ALMS1: variants seen among roughly 807,000 people sequenced by gnomAD.
The protein encoded by ALMS1 is centrosome-associated protein ALMS1.
A neutral mutation model predicts 352.2 loss-of-function variants in ALMS1; 271 were observed. The ratio of observed to expected loss-of-function variants is 0.77; its 90% CI spans 0.70 to 0.85. The LOEUF is 0.85. ALMS1 is among the 40% of genes least tolerant of loss of function. The probability of loss-of-function intolerance (pLI) is 0.00; values close to 1 mark genes in which losing one functional copy is unlikely to be tolerated. For synonymous variants in ALMS1, 1,865 were observed against 1,761.2 expected (o/e 1.06, Z -1.48); for missense variants, 5,445 against 4,870.7 (o/e 1.12, Z -3.51).
rs866714806 is a variant in ALMS1 at position 73,396,315 on chromosome 2, C to T, written c.324+10123C>T. Reference sequence around the variant, plus strand: ...CCTGTCATAGAAATACACACACACACACACACACACACACACACACACACG... The same window carrying T: ...CCTGTCATAGAAATACACACACACATACACACACACACACACACACACACG... On this transcript the variant is annotated intron_variant, in intron 1 of 22. Coordinates refer to ENST00000613296, the MANE Select transcript of ALMS1 (RefSeq NM_001378454.1). Among the ~76,000 whole-genome samples, 319 of 151,730 alleles carry T rather than the reference C, an allele frequency of 2.1e-3. 1 individual carries two copies. The highest frequency in any genetic ancestry group is 0.012 in the South Asian group (56 of 4,806).
chr2:73,600,978 C>T (rs1196989276), intron 18 of ALMS1, 97 bp downstream of exon 18: 2 of 1,422,576 alleles, frequency 1.4e-6, no homozygotes, highest in Admixed American at 2.0e-5. Flanking sequence ...CTATGTGGTC[C>T]CCACCTACCC....
In ALMS1 at chr2:73,583,443, A is replaced by G. The variant is rs536915347; in HGVS notation, c.11547+10019A>G. ...ATTTGTAAATATTTTCTCCCATTCA[A>G]TAGGTTGTCTTTCACTCTGTTGATT... On this transcript the variant is annotated intron_variant, in intron 16 of 22. Coordinates refer to ENST00000613296, the MANE Select transcript of ALMS1 (RefSeq NM_001378454.1). Among the ~76,000 whole-genome samples, 20 of 152,164 alleles carry G rather than the reference A, an allele frequency of 1.3e-4. 1 individual carries two copies. Among genetic ancestry groups the G allele is most frequent in the East Asian group, 5.8e-4 (3 of 5,184 alleles).
At chr2:73,513,307 C>T (rs898612305) in intron 10 of ALMS1, among the ~76,000 whole-genome samples, 6 of 152,106 alleles carry the variant, frequency 3.9e-5, no homozygotes, top group African/African-American at 1.4e-4. Context: ...CGTATGGACA[C>T]TCTCCCCACC....
intron 2 of ALMS1, 117 bp downstream of exon 2, chr2:73,408,864 CTT>C (rs58686365): frequency 0.067 from 12,296 of 183,538 alleles, 46 homozygotes; most frequent in South Asian, 0.09. Context: ...GTTTTCTTGT[CTT>C]TTTTTTTTTT....
At chr2:73,589,226 A>ATGTT (rs10656013) in intron 16 of ALMS1, among the ~76,000 whole-genome samples, 75,187 of 151,764 alleles carry the variant, frequency 0.5, 21,444 homozygotes, top group African/African-American at 0.8. Context: ...TAAACACAAA[A>ATGTT]AGTTATAAGC....
At chr2:73,524,343 G>A (rs74940346) in intron 11 of ALMS1, among the ~76,000 whole-genome samples, 1,701 of 152,222 alleles carry the variant, frequency 0.011, 32 homozygotes, top group African/African-American at 0.038. Context: ...TTTTGATATA[G>A]GCATACAGTG....
At chr2:73,394,758 A>G (rs1468899535) in intron 1 of ALMS1, among the ~76,000 whole-genome samples, 1 of 152,108 alleles carries the variant, frequency 6.6e-6, no homozygotes, top group Non-Finnish European at 1.5e-5. Flanking sequence ...ATTGTTGTGC[A>G]AACATCATAT....
intron 1 of ALMS1, among the ~76,000 whole-genome samples, chr2:73,398,612 TTCA>T (rs1185630072): frequency 2.6e-5 from 4 of 152,200 alleles, no homozygotes; most frequent in African/African-American, 9.7e-5. Context: ...TTTGATTTCA[TTCA>T]TCGAGTTTTA....
chr2:73,442,044 C>T (rs576998417), intron 7 of ALMS1, among the ~76,000 whole-genome samples: 5 of 152,188 alleles, frequency 3.3e-5, no homozygotes, highest in African/African-American at 1.2e-4. Context: ...ATCTGCAGCC[C>T]GTGTCCTGAA....
Position 73,451,617 on chromosome 2 carries a change from C to T in ALMS1, c.5090C>T (p.Pro1697Leu), listed in dbSNP as rs2103785051. ...EALKVPPVPG[P>L]DAQKTETPSV... is the part of the protein sequence containing the mutation. Reference sequence around the variant, plus strand: ...CTGAAAGTTCCACCTGTTCCTGGACCAGATGCCCAGAAGACTGAGACACCA... The same window carrying T: ...CTGAAAGTTCCACCTGTTCCTGGACTAGATGCCCAGAAGACTGAGACACCA... Residue 1697 changes from proline (P) to leucine (L), a missense_variant, in exon 8 of 23, where the codon CCA (proline) becomes CTA (leucine). By Grantham distance (98) the Pro-to-Leu change is moderately conservative. Transcript: ENST00000613296. 6.2e-7 allele frequency: 1 copy of T among 1,614,042 alleles called. No individual in the cohort carries two copies. The highest frequency in any genetic ancestry group is 8.5e-7 in the Non-Finnish European group (1 of 1,179,984).
chr2:73,453,318 C>G lies in ALMS1; in HGVS notation c.6791C>G (p.Thr2264Arg). The change falls in exon 8 of 23, where the codon ACA (threonine) becomes AGA (arginine). Residue 2264 changes from threonine to arginine, a missense_variant. By Grantham distance (71) the Thr-to-Arg change is moderately conservative. Transcript: ENST00000613296. ...NSAKTLKEIRTLLMEAENMAL... is the reference protein window; with the variant it reads ...NSAKTLKEIRRLLMEAENMAL... ...GCTAAAACTCTTAAGGAAATTCGGA[C>G]ACTTTTGATGGAGGCAGAAAATATG... The G allele has an allele frequency of 6.2e-7, 1 of 1,613,884 alleles. No individual in the cohort carries two copies. Among genetic ancestry groups the G allele is most frequent in the South Asian group, 1.1e-5 (1 of 91,068 alleles).
intron 9 of ALMS1, among the ~76,000 whole-genome samples, chr2:73,471,669 A>G (rs1003981323): frequency 6.6e-6 from 1 of 151,964 alleles, no homozygotes; most frequent in Admixed American, 6.6e-5. Flanking sequence ...ATGACTGAAC[A>G]CTTCATATCT....
chr2:73,499,484 G>A (rs1025501216), intron 10 of ALMS1, among the ~76,000 whole-genome samples: 3 of 152,048 alleles, frequency 2.0e-5, no homozygotes, highest in Non-Finnish European at 2.9e-5. Context: ...CATGATTTGA[G>A]GTCTTAGGTT....
intron 14 of ALMS1, 142 bp downstream of exon 14, chr2:73,557,496 T>C: frequency 9.1e-7 from 1 of 1,100,324 alleles, no homozygotes; most frequent in South Asian, 1.4e-5. Flanking sequence ...ATATATGAAA[T>C]AGTTAAGGTA....
intron 15 of ALMS1, among the ~76,000 whole-genome samples, chr2:73,569,506 C>A (rs974411627): frequency 5.9e-5 from 9 of 152,004 alleles, no homozygotes; most frequent in African/African-American, 2.2e-4. Flanking sequence ...ATTCTGTTGC[C>A]AAGGTATCCT....
intron 9 of ALMS1, among the ~76,000 whole-genome samples, chr2:73,461,728 A>G (rs1341568564): frequency 6.6e-6 from 1 of 152,206 alleles, no homozygotes; most frequent in Non-Finnish European, 1.5e-5. Context: ...ACGAATGGAT[A>G]CCTAGAATAA....
chr2:73,578,209 T>A (rs1182672830), intron 16 of ALMS1, among the ~76,000 whole-genome samples: 1 of 152,194 alleles, frequency 6.6e-6, no homozygotes, highest in Non-Finnish European at 1.5e-5. Flanking sequence ...CAGCTCTCTT[T>A]TGGGTAACTA....
intron 7 of ALMS1, among the ~76,000 whole-genome samples, chr2:73,439,488 A>G (rs1474219590): frequency 2.0e-5 from 3 of 152,076 alleles, no homozygotes; most frequent in Non-Finnish European, 4.4e-5. Context: ...TGTAGACATC[A>G]TATAATTGGG....
chr2:73,598,206 A>G (rs1169339873), intron 16 of ALMS1, among the ~76,000 whole-genome samples: 3 of 152,166 alleles, frequency 2.0e-5, no homozygotes, highest in African/African-American at 7.2e-5. Flanking sequence ...ATGTTTTGGC[A>G]TTTTGTTCAA....
Sources: allele counts gnomAD v4.1 joint callset (sites outside exome capture counted in the v4.1 genomes callset), GRCh38; gene constraint gnomAD v4.1.1; transcripts MANE v1.5; gene names NCBI Gene and HGNC (gene_info 2026-07-23, HGNC 2026-07-21).